Variants in ZNF584 observed in about 807,000 individuals in gnomAD.
The protein encoded by ZNF584 is zinc finger protein 584.
Under a neutral mutation model 14.7 loss-of-function variants are expected in ZNF584, and 12 were observed. That is an observed-to-expected ratio of 0.82 (90% CI 0.52 to 1.32). The LOEUF (loss-of-function observed/expected upper bound fraction) is 1.32, where lower values mean the gene tolerates loss of function less well. Among genes scored for constraint, ZNF584 ranks in the 40% most tolerant of loss-of-function variants. The probability of loss-of-function intolerance (pLI) is 0.00; values close to 1 mark genes in which losing one functional copy is unlikely to be tolerated. For missense variants in ZNF584, 478 were observed against 518.8 expected (o/e 0.92, Z 0.76); for synonymous variants, 204 against 190.9 (o/e 1.07, Z -0.57).
In ZNF584 at chr19:58,416,891, C is replaced by A; in HGVS notation, c.373C>A (p.His125Asn). The A allele has an allele frequency of 6.2e-7, 1 of 1,611,034 alleles. No homozygotes were observed. The highest frequency in any genetic ancestry group is 2.2e-5 in the East Asian group (1 of 44,882). ...SYRVIQHQDT[H>N]SEGKPRRHTE... The stretch of plus-strand genomic sequence containing the variant: ...CAGAGTCATCCAGCACCAGGACACT[C>A]ATAGTGAGGGGAAACCAAGAAGGCA... Residue 125 changes from histidine (H) to asparagine (N), a missense_variant, in exon 4 of 4, where the codon CAT becomes AAT. Physicochemically the swap from His to Asn is moderately conservative, Grantham distance 68. Transcript: ENST00000306910.
upstream of ZNF584, chr19:58,408,042 G>GA (rs1021831479): frequency 2.0e-5 from 3 of 152,254 alleles, no homozygotes; most frequent in African/African-American, 7.2e-5. Context: ...CAACACAACT[G>GA]AAACACAACT....
upstream of ZNF584, among the ~76,000 whole-genome samples, chr19:58,403,994 G>T (rs10417497): frequency 4.7e-5 from 7 of 150,512 alleles, no homozygotes; most frequent in African/African-American, 1.5e-4. Context: ...CTAAAATGAG[G>T]TCCAATGAAG....
chr19:58,415,791 A>G (rs1185633629), intron 3 of ZNF584, 145 bp downstream of exon 3: 1 of 1,609,342 alleles, frequency 6.2e-7, no homozygotes, highest in Non-Finnish European at 8.5e-7. Context: ...GACACTGTGC[A>G]GTCTGCCATC....
At chr19:58,407,385 G>A (rs951225091), upstream of ZNF584, 4 of 152,270 alleles carry the variant, frequency 2.6e-5, no homozygotes, top group Non-Finnish European at 5.9e-5. Context: ...ACGCACCCAT[G>A]TCAGTGCATG....
At chr19:58,410,777 A>AGTTTTTTTT (rs1491122996) in intron 2 of ZNF584, among the ~76,000 whole-genome samples, 1 of 8,080 alleles carries the variant, frequency 1.2e-4, no homozygotes, top group Non-Finnish European at 3.3e-4. Flanking sequence ...ATATATATAT[A>AGTTTTTTTT]ATTTTTTTTT....
intron 1 of ZNF584, 54 bp from the exon 2 acceptor site, chr19:58,409,887 G>T (rs563121856): frequency 6.2e-7 from 1 of 1,609,480 alleles, no homozygotes. Context: ...GGGCCTGAAT[G>T]TGTCCATCTG....
chr19:58,415,134 C>G (rs1301713530), intron 2 of ZNF584, among the ~76,000 whole-genome samples: 1 of 152,056 alleles, frequency 6.6e-6, no homozygotes, highest in Non-Finnish European at 1.5e-5. Context: ...ACCTCGTGAT[C>G]CGCCCACCTT....
intron 3 of ZNF584, 77 bp downstream of exon 3, chr19:58,415,723 C>G (rs1808742010): frequency 6.2e-7 from 1 of 1,608,622 alleles, no homozygotes; most frequent in Admixed American, 1.7e-5. Flanking sequence ...ACACCGATAC[C>G]TTGGTGTTGA....
intron 2 of ZNF584, among the ~76,000 whole-genome samples, chr19:58,412,199 C>CTTTT (rs35188048): frequency 0.01 from 860 of 83,884 alleles, 41 homozygotes; most frequent in Non-Finnish European, 0.015. Flanking sequence ...CCAGGGTGGT[C>CTTTT]TTTTTTTTTT....
At chr19:58,410,597 A>G (rs1303166889) in intron 2 of ZNF584, among the ~76,000 whole-genome samples, 3 of 38,800 alleles carry the variant, frequency 7.7e-5, no homozygotes, top group African/African-American at 5.0e-4. Context: ...ATATATGTAT[A>G]TATATGTATA....
upstream of ZNF584, chr19:58,405,604 G>C (rs557518226): frequency 1.4e-3 from 244 of 172,622 alleles, 1 homozygote; most frequent in Middle Eastern, 8.0e-3. Context: ...CGGCTGCCGG[G>C]CGGAGGGGCT....
Position 58,417,086 on chromosome 19 carries a change from C to T in ZNF584, c.568C>T (p.Pro190Ser). 1 of 1,613,844 alleles carries T rather than the reference C, an allele frequency of 6.2e-7. No homozygotes were observed. Among genetic ancestry groups the T allele is most frequent in the Non-Finnish European group, 8.5e-7 (1 of 1,179,840 alleles). Reference protein sequence around the residue: ...THSEERPFRCPTGRSAFKKSA... With the variant: ...THSEERPFRCSTGRSAFKKSA... ...TTCTGAAGAGAGACCCTTCAGATGC[C>T]CAACAGGCAGAAGTGCTTTCAAGAA... The change falls in exon 4 of 4, where the codon CCA (proline) becomes TCA (serine). Residue 190 changes from proline (P) to serine (S), a missense_variant. By Grantham distance (74) the Pro-to-Ser change is moderately conservative. This residue lies in a region of ZNF584 where 283 missense variants were observed against 317.3 expected (regional missense o/e 0.89). Coordinates refer to ENST00000306910, the MANE Select transcript of ZNF584 (RefSeq NM_173548.3).
In ZNF584 at chr19:58,417,149, GA is replaced by G. The variant is rs777536807; in HGVS notation, c.634del (p.Thr212GlnfsTer18). 6.2e-7 allele frequency: 1 copy of G among 1,613,814 alleles called. No homozygotes were observed. Among genetic ancestry groups the G allele is most frequent in the Admixed American group, 1.7e-5 (1 of 59,994 alleles). Reference sequence around the variant, plus strand: ...TAACCCCCGAAAAATTCACACTGGAGAAACAGCCCATGTGTGTAATGAATGT... The same window carrying G: ...TAACCCCCGAAAAATTCACACTGGAGAACAGCCCATGTGTGTAATGAATGT... ...HINPRKIHTG[E>X]TAHVCNECGK... On this transcript the variant is annotated frameshift_variant, in exon 4 of 4. Transcript: ENST00000306910. LOFTEE classifies it low-confidence loss of function (END_TRUNC).
intron 2 of ZNF584, among the ~76,000 whole-genome samples, chr19:58,410,585 ATATATATG>A (rs1219344651): frequency 3.0e-4 from 8 of 26,234 alleles, no homozygotes; most frequent in East Asian, 2.6e-3. Flanking sequence ...ATATATATGT[ATATATATG>A]TATATATATG....
chr19:58,407,677 C>T (rs1342920962), upstream of ZNF584, among the ~76,000 whole-genome samples: 2 of 152,228 alleles, frequency 1.3e-5, no homozygotes, highest in African/African-American at 2.4e-5. Flanking sequence ...GTGCAAAGTT[C>T]TCCAGCACCA....
intron 3 of ZNF584, chr19:58,415,899 G>C: frequency 6.3e-7 from 1 of 1,599,036 alleles, no homozygotes; most frequent in Non-Finnish European, 8.5e-7. Context: ...TACTGTTGGC[G>C]ACTCAGTGCG....
In ZNF584 at chr19:58,401,885, C is replaced by CAAAAAAAAA. The variant is rs781429177; in HGVS notation, n.92+234_92+242dup. On this transcript the variant is annotated intron_variant and non_coding_transcript_variant, in intron 1 of 3. Transcript: ENST00000594993. ...GGATCCTATATAAAGTGAGACTCCT[C>CAAAAAAAAA]AAAAAAAAAAAAAAAAAAAGATTTT... Among the ~76,000 whole-genome samples the CAAAAAAAAA allele has an allele frequency of 3.1e-3, 208 of 66,916 alleles. 10 individuals are homozygous for CAAAAAAAAA. Among genetic ancestry groups the CAAAAAAAAA allele is most frequent in the African/African-American group, 0.012 (175 of 14,578 alleles). The allele number at this position is 66,916 out of a possible 152,430, so 43.9% of individuals were successfully genotyped here.
rs1243553717 is a variant in ZNF584, at chr19:58,417,962, G to C, written c.*178G>C. ...AGCCACATTGCACTCTGACTTGCCT[G>C]GGGCTGTTGGCAGTGTCACATCACT... On this transcript the variant is annotated 3_prime_UTR_variant, in exon 4 of 4. Coordinates refer to ENST00000306910, the MANE Select transcript of ZNF584 (RefSeq NM_173548.3). 1.4e-6 allele frequency: 1 copy of C among 714,048 alleles called. No homozygotes were observed. The highest frequency in any genetic ancestry group is 1.8e-5 in the African/African-American group (1 of 55,932). The allele number at this position is 714,048 out of a possible 1,614,324, so 44.2% of individuals were successfully genotyped here.
chr19:58,412,713 T>G (rs1248038602), intron 2 of ZNF584, among the ~76,000 whole-genome samples: 1 of 152,250 alleles, frequency 6.6e-6, no homozygotes, highest in East Asian at 1.9e-4. Flanking sequence ...AAGAGTTTCT[T>G]AAGTATTGGT....
Sources: gnomAD v4.1 joint callset for allele counts (sites outside exome capture counted in the v4.1 genomes callset) on GRCh38, gnomAD v4.1.1 for gene constraint, gnomAD v4.1.1 regional missense constraint, MANE v1.5 for transcripts, NCBI Gene and HGNC (gene_info 2026-07-23, HGNC 2026-07-21) for gene names.